GLRX3: variants seen among roughly 807,000 people sequenced by gnomAD.
GLRX3 encodes glutaredoxin 3.
Under a neutral mutation model 49.5 loss-of-function variants are expected in GLRX3, and 22 were observed. That is an observed-to-expected ratio of 0.44 (90% CI 0.32 to 0.63). GLRX3 has a LOEUF of 0.63. GLRX3 is among the 30% of genes least tolerant of loss of function. The probability of loss-of-function intolerance (pLI) is 0.05; values close to 1 mark genes in which losing one functional copy is unlikely to be tolerated. For missense variants in GLRX3, 385 were observed against 396.3 expected, an observed-to-expected ratio of 0.97 and a Z score of 0.24; for synonymous variants, 133 against 140.0, an observed-to-expected ratio of 0.95 and a Z score of 0.35.
chr10:130,151,454 G>C (rs1862375179), intron 2 of GLRX3, among the ~76,000 whole-genome samples: 1 of 152,224 alleles, frequency 6.6e-6, no homozygotes, highest in African/African-American at 2.4e-5. Context: ...CATGTGCCAT[G>C]TTGGTTTGCT....
chr10:130,145,684 A>T (rs1164342226), intron 2 of GLRX3, among the ~76,000 whole-genome samples: 1 of 152,150 alleles, frequency 6.6e-6, no homozygotes, highest in Non-Finnish European at 1.5e-5. Context: ...TAAATAAAAT[A>T]AAAAATTAGA....
At chr10:130,147,076 A>G (rs1862283926) in intron 2 of GLRX3, among the ~76,000 whole-genome samples, 1 of 152,216 alleles carries the variant, frequency 6.6e-6, no homozygotes, top group Non-Finnish European at 1.5e-5. Flanking sequence ...CAAATAGGGC[A>G]GATGTGAATA....
intron 4 of GLRX3, among the ~76,000 whole-genome samples, chr10:130,164,408 A>G (rs1862641484): frequency 6.6e-6 from 1 of 152,204 alleles, no homozygotes. Flanking sequence ...GCATAGTCAG[A>G]TATTCCTTCT....
chr10:130,137,589 C>T lies in GLRX3; in HGVS notation c.92+1077C>T, dbSNP rs145035949. ...CATAGATTAGCACCTGTTAGTACCT[C>T]AGGGTTGTTGTGAGGGTTAAATGAG... On this transcript the variant is annotated intron_variant, in intron 1 of 10. Transcript: ENST00000331244. Among the ~76,000 whole-genome samples the T allele has an allele frequency of 8.4e-4, 128 of 152,264 alleles. 1 individual carries two copies. Among genetic ancestry groups the T allele is most frequent in the African/African-American group, 3.0e-3 (125 of 41,522 alleles).
chr10:130,148,521 A>G (rs1017956794), intron 2 of GLRX3, among the ~76,000 whole-genome samples: 8 of 136,352 alleles, frequency 5.9e-5, no homozygotes, highest in Non-Finnish European at 9.1e-5. Flanking sequence ...CATTTTTGTG[A>G]CTGGGATTTA....
At chr10:130,176,960 G>C (rs570732164) in intron 10 of GLRX3, among the ~76,000 whole-genome samples, 1 of 152,092 alleles carries the variant, frequency 6.6e-6, no homozygotes, top group African/African-American at 2.4e-5. Context: ...GCTAAGCTGC[G>C]TGGGTAACTT....
intron 7 of GLRX3, 140 bp downstream of exon 7, chr10:130,169,630 C>T (rs1862765878): frequency 1.6e-6 from 1 of 628,966 alleles, no homozygotes; most frequent in Admixed American, 2.6e-5. Context: ...TTAATTGGTG[C>T]TTACGGAGAT....
chr10:130,137,387 A>G (rs528841582), intron 1 of GLRX3, among the ~76,000 whole-genome samples: 5 of 152,254 alleles, frequency 3.3e-5, no homozygotes, highest in Admixed American at 6.5e-5. Flanking sequence ...CCGTGATAAT[A>G]CCACCTCACA....
chr10:130,151,717 G>A (rs1862380906), intron 2 of GLRX3, among the ~76,000 whole-genome samples: 1 of 152,038 alleles, frequency 6.6e-6, no homozygotes, highest in Non-Finnish European at 1.5e-5. Context: ...TTTTTTTATG[G>A]CTGCATTATA....
chr10:130,142,605 G>GATCTCTTAGAGTAC (rs1336236852), intron 1 of GLRX3, among the ~76,000 whole-genome samples: 1 of 152,144 alleles, frequency 6.6e-6, no homozygotes, highest in African/African-American at 2.4e-5. Flanking sequence ...TGCCTGTACA[G>GATCTCTTAGAGTAC]ATCTCTTAGA....
rs140178704 is a variant in GLRX3, at chr10:130,166,559, C to G, written c.531C>G (p.Ser177Arg). The change falls in exon 5 of 11, where the codon AGC (serine) becomes AGG (arginine). Residue 177 changes from serine (S) to arginine (R), a missense_variant. Transcript: ENST00000331244. ...EILHKHNIQFSSFDIFSDEEV... is the reference protein window; with the variant it reads ...EILHKHNIQFRSFDIFSDEEV... ...TTCACAAACATAATATTCAGTTTAG[C>G]AGTTTTGATATCTTCTCAGATGAAG... The G allele has an allele frequency of 2.2e-5, 36 of 1,612,048 alleles. No homozygotes were observed. The African/African-American group carries it at 4.8e-4, about 22-fold the overall frequency.
intron 2 of GLRX3, 109 bp from the exon 3 acceptor site, chr10:130,159,886 T>C (rs1862540968): frequency 8.3e-6 from 11 of 1,323,392 alleles, no homozygotes; most frequent in Admixed American, 2.1e-5. Flanking sequence ...CCATGCTCTT[T>C]AAAAAATGCC....
At chr10:130,149,453 A>C (rs551811352) in intron 2 of GLRX3, among the ~76,000 whole-genome samples, 5 of 152,058 alleles carry the variant, frequency 3.3e-5, no homozygotes, top group East Asian at 3.9e-4. Flanking sequence ...AAAAAAAAAA[A>C]CAAAACAGGA....
At chr10:130,146,436 CTT>C (rs1488646970) in intron 2 of GLRX3, among the ~76,000 whole-genome samples, 1 of 152,188 alleles carries the variant, frequency 6.6e-6, no homozygotes, top group Non-Finnish European at 1.5e-5. Context: ...TTCCTTGCCT[CTT>C]TTGTTTTTCA....
At chr10:130,171,983 T>C (rs968943920) in intron 8 of GLRX3, among the ~76,000 whole-genome samples, 1 of 152,152 alleles carries the variant, frequency 6.6e-6, no homozygotes, top group Admixed American at 6.6e-5. Context: ...GAAAAAAATA[T>C]TTCAACTTTT....
chr10:130,166,431 C>A, intron 4 of GLRX3, 76 bp from the exon 5 acceptor site: 2 of 1,038,114 alleles, frequency 1.9e-6, no homozygotes, highest in Non-Finnish European at 2.9e-6. Context: ...GATATGTACG[C>A]TGAACTAATG....
At chr10:130,169,661 T>A (rs1242043402) in intron 7 of GLRX3, among the ~76,000 whole-genome samples, 171 bp downstream of exon 7, 1 of 152,268 alleles carries the variant, frequency 6.6e-6, no homozygotes, top group Non-Finnish European at 1.5e-5. Flanking sequence ...AATCTACATT[T>A]TGCTTGACTT....
intron 2 of GLRX3, among the ~76,000 whole-genome samples, chr10:130,155,217 A>G (rs993718632): frequency 6.6e-6 from 1 of 152,208 alleles, no homozygotes; most frequent in Non-Finnish European, 1.5e-5. Flanking sequence ...TGTCAAAGCA[A>G]AAGGCTAGTG....
At chr10:130,167,653 T>C (rs1862719045) in intron 6 of GLRX3, among the ~76,000 whole-genome samples, 1 of 152,256 alleles carries the variant, frequency 6.6e-6, no homozygotes, top group Non-Finnish European at 1.5e-5. Flanking sequence ...CAGCCATTCA[T>C]AGTTGGGGCT....
Sources: gnomAD v4.1 joint callset for allele counts (sites outside exome capture counted in the v4.1 genomes callset) on GRCh38, gnomAD v4.1.1 for gene constraint, MANE v1.5 for transcripts, NCBI Gene and HGNC (gene_info 2026-07-23, HGNC 2026-07-21) for gene names.